Variants in ASIC2 observed in about 807,000 individuals in gnomAD.
ASIC2 encodes the protein acid sensing ion channel subunit 2, also known as acid-sensing ion channel 2.
Under a neutral mutation model 57.3 loss-of-function variants are expected in ASIC2, and 25 were observed. The observed-to-expected ratio is 0.44, with a 90% CI of 0.32 to 0.61. The LOEUF is 0.61. Ranked by LOEUF, ASIC2 falls within the 20% of genes least tolerant of loss-of-function variation. The probability of loss-of-function intolerance (pLI) is 0.06; values close to 1 mark genes in which losing one functional copy is unlikely to be tolerated. For missense variants in ASIC2, 641 were observed against 738.1 expected, an observed-to-expected ratio of 0.87 and a Z score of 1.52; for synonymous variants, 319 against 307.5, an observed-to-expected ratio of 1.04 and a Z score of -0.39.
intron 1 of ASIC2, among the ~76,000 whole-genome samples, chr17:34,063,431 T>G (rs149853237): frequency 2.1e-3 from 319 of 152,252 alleles, no homozygotes; most frequent in African/African-American, 7.4e-3. Flanking sequence ...GAGGAAAAGT[T>G]GAAAGCATTC....
chr17:33,995,602 G>A (rs1173837249), intron 1 of ASIC2, among the ~76,000 whole-genome samples: 4 of 152,000 alleles, frequency 2.6e-5, no homozygotes, highest in Admixed American at 2.6e-4. Context: ...ACATATGTGT[G>A]TATGTATATG....
intron 1 of ASIC2, among the ~76,000 whole-genome samples, chr17:34,057,358 C>A (rs1434021599): frequency 1.3e-5 from 2 of 152,106 alleles, no homozygotes; most frequent in Non-Finnish European, 2.9e-5. Flanking sequence ...AACAGAGAAG[C>A]CAGCATGAAC....
chr17:33,906,633 G>A (rs927259388), intron 1 of ASIC2, among the ~76,000 whole-genome samples: 1 of 152,156 alleles, frequency 6.6e-6, no homozygotes, highest in African/African-American at 2.4e-5. Context: ...TTAACAAAAC[G>A]ATACATCACC....
chr17:33,045,926 C>T (rs186175099), intron 3 of ASIC2, among the ~76,000 whole-genome samples: 2 of 152,216 alleles, frequency 1.3e-5, no homozygotes, highest in South Asian at 2.1e-4. Flanking sequence ...GTGAATTGGA[C>T]TATCTCAGAG....
chr17:34,010,614 CACAA>C (rs1009700397), intron 1 of ASIC2, among the ~76,000 whole-genome samples: 5 of 152,008 alleles, frequency 3.3e-5, no homozygotes, highest in Non-Finnish European at 5.9e-5. Flanking sequence ...CACAGATACG[CACAA>C]ACATACAAAA....
intron 1 of ASIC2, among the ~76,000 whole-genome samples, chr17:33,798,614 T>C (rs115602696): frequency 6.6e-6 from 1 of 152,224 alleles, no homozygotes; most frequent in African/African-American, 2.4e-5. Context: ...ACTTGTCTGT[T>C]TGTGTGTTCT....
At chr17:33,088,729 G>T in intron 3 of ASIC2, 134 bp downstream of exon 3, 1 of 1,303,428 alleles carries the variant, frequency 7.7e-7, no homozygotes, top group Non-Finnish European at 1.0e-6. Flanking sequence ...TGGTGACGAA[G>T]GTTAGCCAAC....
intron 1 of ASIC2, among the ~76,000 whole-genome samples, chr17:33,713,270 G>A (rs946289149): frequency 6.6e-6 from 1 of 152,162 alleles, no homozygotes; most frequent in African/African-American, 2.4e-5. Context: ...CAAACTGGGT[G>A]GCTTAAAACA....
chr17:33,078,845 C>T (rs954060824), intron 3 of ASIC2, among the ~76,000 whole-genome samples: 1 of 152,220 alleles, frequency 6.6e-6, no homozygotes, highest in Non-Finnish European at 1.5e-5. Context: ...ACACCTAACA[C>T]AGTGCCTGGC....
rs552511893 is a variant in ASIC2, at chr17:33,801,906, G to A, written c.555+354072C>T. Among the ~76,000 whole-genome samples, 6 of 152,278 alleles carry A rather than the reference G, an allele frequency of 3.9e-5. No homozygotes were observed. The East Asian group carries it at 1.2e-3, about 29-fold the overall frequency. Reference sequence around the variant, plus strand: ...TTGTTTAACTTTCCATCATCGCAGAGTGTAGTTGGCTAGAACTGGACGAGA... The same window carrying A: ...TTGTTTAACTTTCCATCATCGCAGAATGTAGTTGGCTAGAACTGGACGAGA... On this transcript the variant is annotated intron_variant, in intron 1 of 9. Coordinates refer to the ASIC2 transcript ENST00000359872.
In ASIC2 at chr17:33,094,392, G is replaced by A. The variant is rs575167060; in HGVS notation, c.860-5402C>T. 4.6e-5 allele frequency among the ~76,000 whole-genome samples: 7 copies of A among 152,292 alleles called. No individual in the cohort carries two copies. The East Asian group carries it at 7.7e-4, about 17-fold the overall frequency. On this transcript the variant is annotated intron_variant, in intron 2 of 9. Coordinates refer to ENST00000225823, the MANE Select transcript of ASIC2 (RefSeq NM_183377.2). ...GACACCAGCTTCTTTCCTTCTTTCC[G>A]AGGGGGTGGTAACGGCTCTCCCTGC...
At chr17:33,109,670 G>A (rs534764118) in intron 2 of ASIC2, among the ~76,000 whole-genome samples, 1 of 152,300 alleles carries the variant, frequency 6.6e-6, no homozygotes, top group Non-Finnish European at 1.5e-5. Flanking sequence ...GACCTGCGCA[G>A]TGTTAGCATG....
intron 1 of ASIC2, among the ~76,000 whole-genome samples, chr17:33,788,725 A>C (rs1459235268): frequency 6.6e-6 from 1 of 152,246 alleles, no homozygotes; most frequent in African/African-American, 2.4e-5. Context: ...GCAGCCATAA[A>C]AAGGAATGAG....
chr17:33,245,977 G>C lies in ASIC2; in HGVS notation c.708+45431C>G, dbSNP rs187600507. 1.8e-3 allele frequency among the ~76,000 whole-genome samples: 271 copies of C among 151,508 alleles called. 1 individual carries two copies. The highest frequency in any genetic ancestry group is 0.01 in the Middle Eastern group (3 of 292). ...GGCCAAGACAGGAGAATTGCTTGAG[G>C]CCAGGAGTTCAACTGTCTGGGCAAC... is the stretch of plus-strand genomic sequence containing the variant. On this transcript the variant is annotated intron_variant, in intron 1 of 9. Transcript: ENST00000225823.
intron 1 of ASIC2, among the ~76,000 whole-genome samples, chr17:33,722,722 C>T (rs1909426360): frequency 6.6e-6 from 1 of 152,072 alleles, no homozygotes; most frequent in African/African-American, 2.4e-5. Context: ...ATGATTGTGC[C>T]ATTGCACTGC....
chr17:33,341,264 A>G (rs905614249), intron 1 of ASIC2, among the ~76,000 whole-genome samples: 10 of 152,176 alleles, frequency 6.6e-5, no homozygotes, highest in Non-Finnish European at 1.5e-4. Context: ...TTTAACATGA[A>G]CGCTTTCCCC....
chr17:33,388,456 T>C (rs112447337), intron 1 of ASIC2, among the ~76,000 whole-genome samples: 74 of 152,332 alleles, frequency 4.9e-4, no homozygotes, highest in Middle Eastern at 3.4e-3. Context: ...AGTACACCCA[T>C]ACCACAGAGA....
chr17:34,145,842 G>A (rs1010100902), intron 1 of ASIC2, among the ~76,000 whole-genome samples: 1 of 152,170 alleles, frequency 6.6e-6, no homozygotes, highest in Admixed American at 6.5e-5. Flanking sequence ...CTACTTTATT[G>A]ATGGGCCCAG....
chr17:33,302,625 T>C (rs1391078), intron 1 of ASIC2, among the ~76,000 whole-genome samples: 40,686 of 152,114 alleles, frequency 0.27, 5,824 homozygotes, highest in Middle Eastern at 0.38. Flanking sequence ...TCTCTTTCCC[T>C]TGTAAAAGAC....
Sources: gnomAD v4.1 joint callset for allele counts (sites outside exome capture counted in the v4.1 genomes callset) on GRCh38, gnomAD v4.1.1 for gene constraint, MANE v1.5 for transcripts, NCBI Gene and HGNC (gene_info 2026-07-23, HGNC 2026-07-21) for gene names.